The following KCNN2 variants were observed in gnomAD, a reference collection of about 807,000 sequenced individuals.
KCNN2 encodes potassium calcium-activated channel subfamily N member 2, also known as small conductance calcium-activated potassium channel protein 2.
A neutral mutation model predicts 55.5 loss-of-function variants in KCNN2; 24 were observed. The observed-to-expected ratio is 0.43, with a 90% CI of 0.31 to 0.61. The LOEUF (loss-of-function observed/expected upper bound fraction) is 0.61. Ranked by LOEUF, KCNN2 falls within the 20% of genes least tolerant of loss-of-function variation. KCNN2 has a pLI of 0.08. For missense variants in KCNN2, 754 were observed against 853.6 expected, an observed-to-expected ratio of 0.88 and a Z score of 1.45; for synonymous variants, 431 against 336.1, an observed-to-expected ratio of 1.28 and a Z score of -3.09.
intron 2 of KCNN2, among the ~76,000 whole-genome samples, chr5:114,367,008 A>G (rs961941668): frequency 1.3e-5 from 2 of 152,314 alleles, no homozygotes. Flanking sequence ...ATTCAGGAAA[A>G]GTAAGTGTTA....
At chr5:114,274,958 T>A (rs928013517) in intron 2 of KCNN2, among the ~76,000 whole-genome samples, 1 of 152,182 alleles carries the variant, frequency 6.6e-6, no homozygotes, top group Non-Finnish European at 1.5e-5. Context: ...TTCAGTGATA[T>A]TGGCTGTTGG....
chr5:114,400,542 T>G (rs868249176), intron 2 of KCNN2, among the ~76,000 whole-genome samples: 4 of 152,328 alleles, frequency 2.6e-5, no homozygotes, highest in South Asian at 4.1e-4. Flanking sequence ...GGGTTCCCAC[T>G]TGGCTTAGAT....
At chr5:114,142,635 A>ATACCTAGG (rs1478389501) in intron 1 of KCNN2, among the ~76,000 whole-genome samples, 3 of 152,178 alleles carry the variant, frequency 2.0e-5, no homozygotes, top group Non-Finnish European at 4.4e-5. Context: ...AGAGAATAAA[A>ATACCTAGG]TACCTAGGAA....
At chr5:114,181,250 C>T (rs775302496) in intron 1 of KCNN2, among the ~76,000 whole-genome samples, 1 of 152,194 alleles carries the variant, frequency 6.6e-6, no homozygotes, top group Non-Finnish European at 1.5e-5. Context: ...AAGTGATCTA[C>T]TTTCTTGCCA....
chr5:114,414,181 A>G (rs1759225281), intron 3 of KCNN2, among the ~76,000 whole-genome samples: 1 of 152,194 alleles, frequency 6.6e-6, no homozygotes, highest in Non-Finnish European at 1.5e-5. Flanking sequence ...ATACAATCAT[A>G]GAAATGCAAG....
In KCNN2 at chr5:114,273,049, C is replaced by T. The variant is rs181756790; in HGVS notation, c.-185+51484C>T. On this transcript the variant is annotated intron_variant, in intron 2 of 10. Transcript: ENST00000512097. ...CCTAGCCCAACACCCCCCACAGGCC[C>T]TGGTATGTGATGTTCCCCTCCCTGT... Among the ~76,000 whole-genome samples the T allele has an allele frequency of 3.0e-3, 450 of 152,234 alleles. 3 individuals are homozygous for T. Among genetic ancestry groups the T allele is most frequent in the Admixed American group, 6.5e-3 (99 of 15,274 alleles).
At chr5:114,461,704 G>A (rs2150113824) in intron 3 of KCNN2, among the ~76,000 whole-genome samples, 1 of 151,728 alleles carries the variant, frequency 6.6e-6, no homozygotes, top group South Asian at 2.1e-4. Flanking sequence ...TTTGAAGCAG[G>A]AAGCTTGGCA....
chr5:114,161,327 G>T (rs893789179), intron 1 of KCNN2, among the ~76,000 whole-genome samples: 1 of 147,014 alleles, frequency 6.8e-6, no homozygotes, highest in Non-Finnish European at 1.5e-5. Context: ...TTGAATATTG[G>T]CCCCCACTCT....
intron 7 of KCNN2, among the ~76,000 whole-genome samples, chr5:114,493,826 AT>A (rs1332391478): frequency 6.6e-6 from 1 of 152,156 alleles, no homozygotes; most frequent in African/African-American, 2.4e-5. Flanking sequence ...TGACTGTGAT[AT>A]TCAGGAATGA....
chr5:114,355,259 G>C (rs1442780147), intron 2 of KCNN2, among the ~76,000 whole-genome samples: 1 of 152,162 alleles, frequency 6.6e-6, no homozygotes, highest in Non-Finnish European at 1.5e-5. Context: ...GTAATAGGGA[G>C]TTCATGAATA....
At chr5:114,168,203 C>T (rs1752959990) in intron 1 of KCNN2, among the ~76,000 whole-genome samples, 1 of 138,090 alleles carries the variant, frequency 7.2e-6, no homozygotes, top group Non-Finnish European at 1.6e-5. Flanking sequence ...ACACACACAA[C>T]ATCTAGGTAG....
At chr5:114,056,200 C>G (rs1750201981) in exon 1 of KCNN2, 1 of 394,718 alleles carries the variant, frequency 2.5e-6, no homozygotes, top group Non-Finnish European at 4.5e-6. Context: ...GGGGGCCTGG[C>G]TCGCCCGCGC....
intron 2 of KCNN2, among the ~76,000 whole-genome samples, chr5:114,340,066 C>G (rs1216284654): frequency 1.3e-5 from 2 of 152,076 alleles, no homozygotes; most frequent in Non-Finnish European, 2.9e-5. Flanking sequence ...GACTTTCTAT[C>G]TCTAAAGTCT....
chr5:114,452,703 T>G (rs954067262), intron 3 of KCNN2, among the ~76,000 whole-genome samples: 1 of 152,072 alleles, frequency 6.6e-6, no homozygotes, highest in African/African-American at 2.4e-5. Context: ...TTGCACAGGA[T>G]TCCTTTTAAC....
chr5:114,139,068 C>T (rs1033567408), intron 1 of KCNN2, among the ~76,000 whole-genome samples: 5 of 152,118 alleles, frequency 3.3e-5, no homozygotes, highest in Non-Finnish European at 5.9e-5. Context: ...ATTGGGCTGC[C>T]GTATTATTAC....
rs576182482 is a variant in KCNN2, at chr5:114,493,840, A to G, written c.2088+368A>G. Among the ~76,000 whole-genome samples the G allele has an allele frequency of 1.1e-4, 17 of 152,298 alleles. 1 individual carries two copies. Among genetic ancestry groups the G allele is most frequent in the African/African-American group, 4.1e-4 (17 of 41,582 alleles). On this transcript the variant is annotated intron_variant, in intron 7 of 7. Coordinates refer to ENST00000673685, the MANE Select transcript of KCNN2 (RefSeq NM_021614.4). ...GTGACTGTGATATTCAGGAATGAAT[A>G]GGACTCATCAATTAAATTTTGTCCT...
chr5:114,100,419 CT>C (rs1385105366), intron 1 of KCNN2, among the ~76,000 whole-genome samples: 3 of 151,970 alleles, frequency 2.0e-5, no homozygotes, highest in Admixed American at 6.6e-5. Flanking sequence ...TGTAGTATTG[CT>C]GGATTTTGAG....
chr5:114,426,017 CA>C (rs565439053), intron 3 of KCNN2, among the ~76,000 whole-genome samples: 11,554 of 139,698 alleles, frequency 0.083, 625 homozygotes, highest in African/African-American at 0.16. Flanking sequence ...CCATCTCTAC[CA>C]AAAAAAAAAA....
chr5:114,368,477 C>T (rs970739474), intron 2 of KCNN2, among the ~76,000 whole-genome samples: 2 of 152,020 alleles, frequency 1.3e-5, no homozygotes, highest in African/African-American at 4.8e-5. Flanking sequence ...CTCACCTGGA[C>T]TAGTTGGGGA....
Sources: allele counts gnomAD v4.1 joint callset (sites outside exome capture counted in the v4.1 genomes callset), GRCh38; gene constraint gnomAD v4.1.1; transcripts MANE v1.5; gene names NCBI Gene and HGNC (gene_info 2026-07-23, HGNC 2026-07-21).